The following RAPGEF5 variants were observed in gnomAD, a reference collection of about 807,000 sequenced individuals.
RAPGEF5 encodes Rap guanine nucleotide exchange factor 5.
RAPGEF5 carries 65 observed loss-of-function variants against 125.2 expected under a neutral mutation model. The observed-to-expected ratio is 0.52, with a 90% CI of 0.43 to 0.64. RAPGEF5 has a LOEUF of 0.64. Ranked by LOEUF, RAPGEF5 falls within the 30% of genes least tolerant of loss-of-function variation. RAPGEF5 has a pLI of 0.00. For missense variants in RAPGEF5, 958 were observed against 1,048.1 expected (o/e 0.91, Z 1.19); for synonymous variants, 391 against 385.9 (o/e 1.01, Z -0.16).
intron 3 of RAPGEF5, 66 bp from the exon 4 acceptor site, chr7:22,310,156 T>TAA: frequency 7.1e-7 from 1 of 1,399,784 alleles, no homozygotes. Flanking sequence ...AAAACAAAAA[T>TAA]GATATATAAT....
intron 9 of RAPGEF5, among the ~76,000 whole-genome samples, chr7:22,211,616 CAGAG>C (rs1439288080): frequency 1.3e-5 from 2 of 152,190 alleles, no homozygotes; most frequent in East Asian, 3.8e-4. Flanking sequence ...GTGAAATCGA[CAGAG>C]AGGACTGTGA....
chr7:22,286,269 G>A (rs1782794575), intron 6 of RAPGEF5, among the ~76,000 whole-genome samples: 1 of 152,170 alleles, frequency 6.6e-6, no homozygotes, highest in Non-Finnish European at 1.5e-5. Flanking sequence ...GCAGCATAGA[G>A]GACACATGAC....
intron 7 of RAPGEF5, among the ~76,000 whole-genome samples, chr7:22,236,417 A>G (rs995125772): frequency 6.6e-6 from 1 of 152,212 alleles, no homozygotes; most frequent in Non-Finnish European, 1.5e-5. Context: ...GTGTAGTGGC[A>G]CAATCTGCAC....
At chr7:22,172,805 A>C (rs759258795) in intron 11 of RAPGEF5, among the ~76,000 whole-genome samples, 17 of 152,262 alleles carry the variant, frequency 1.1e-4, no homozygotes, top group Non-Finnish European at 2.4e-4. Flanking sequence ...GTTACGTAGG[A>C]AAAATTATAT....
chr7:22,154,669 A>ATG, intron 16 of RAPGEF5, 65 bp from the exon 17 acceptor site: 1 of 1,544,036 alleles, frequency 6.5e-7, no homozygotes, highest in Middle Eastern at 2.2e-4. Context: ...GACTTTTCCA[A>ATG]ATCAAGGCAC....
chr7:22,191,915 T>C (rs1459943477), intron 11 of RAPGEF5, among the ~76,000 whole-genome samples: 2 of 152,252 alleles, frequency 1.3e-5, no homozygotes, highest in African/African-American at 4.8e-5. Flanking sequence ...AGTCTTGCAC[T>C]ATAGAACTGT....
At chr7:22,224,013 G>A (rs886844724) in intron 8 of RAPGEF5, among the ~76,000 whole-genome samples, 4 of 152,110 alleles carry the variant, frequency 2.6e-5, no homozygotes, top group African/African-American at 9.7e-5. Flanking sequence ...ATGAATGAAC[G>A]CAGCTACATT....
intron 9 of RAPGEF5, among the ~76,000 whole-genome samples, chr7:22,210,042 C>T (rs988881237): frequency 6.6e-6 from 1 of 152,274 alleles, no homozygotes; most frequent in Non-Finnish European, 1.5e-5. Context: ...TGCTTATAAT[C>T]CTATTTAGCA....
At chr7:22,307,233 A>G (rs186659514) in intron 5 of RAPGEF5, among the ~76,000 whole-genome samples, 1 of 152,054 alleles carries the variant, frequency 6.6e-6, no homozygotes, top group African/African-American at 2.4e-5. Context: ...TTCTTTCATC[A>G]GTGTTTACAG....
At chr7:22,315,321 T>A (rs1190086643) in intron 3 of RAPGEF5, 49 bp downstream of exon 3, 1 of 1,520,888 alleles carries the variant, frequency 6.6e-7, no homozygotes, top group Non-Finnish European at 8.8e-7. Context: ...CAGGGTGGTT[T>A]TTTTTCCTCA....
intron 7 of RAPGEF5, among the ~76,000 whole-genome samples, chr7:22,245,928 A>AGG (rs1786464488): frequency 7.9e-5 from 12 of 152,158 alleles, no homozygotes; most frequent in Admixed American, 7.9e-4. Context: ...ATTTCTATAC[A>AGG]CCAATAATGT....
chr7:22,299,784 C>T lies in RAPGEF5; in HGVS notation c.681-8543G>A, dbSNP rs183768086. ...GACAGTTCTTTCTCCCCCCTCCACC[C>T]TCCCCCACCTTAAAGACTTTCTTCC... On this transcript the variant is annotated intron_variant, in intron 5 of 25. Transcript: ENST00000665637. 5.8e-3 allele frequency among the ~76,000 whole-genome samples: 883 copies of T among 152,202 alleles called. 16 individuals are homozygous for T. The highest frequency in any genetic ancestry group is 0.02 in the African/African-American group (847 of 41,520).
intron 21 of RAPGEF5, among the ~76,000 whole-genome samples, chr7:22,137,398 CTAAA>C (rs760586465): frequency 3.9e-4 from 59 of 152,148 alleles, no homozygotes; most frequent in Non-Finnish European, 7.5e-4. Context: ...CAGCATTGGG[CTAAA>C]TAGTGAAGGG....
chr7:22,141,026 G>A (rs1459941053), intron 20 of RAPGEF5, among the ~76,000 whole-genome samples: 1 of 152,170 alleles, frequency 6.6e-6, no homozygotes, highest in African/African-American at 2.4e-5. Context: ...GCTTCCCTCA[G>A]ATGCCATCCC....
intron 7 of RAPGEF5, among the ~76,000 whole-genome samples, chr7:22,242,850 T>C (rs1335044972): frequency 6.7e-6 from 1 of 149,646 alleles, no homozygotes; most frequent in Non-Finnish European, 1.5e-5. Context: ...GAGAATCACT[T>C]GCAGGAGAAT....
chr7:22,308,621 T>A, intron 4 of RAPGEF5, 114 bp from the exon 5 acceptor site: 2 of 840,796 alleles, frequency 2.4e-6, no homozygotes. Flanking sequence ...GGGTTAAGAC[T>A]ATAATTATAC....
At chr7:22,284,391 T>C (rs1445536614) in intron 6 of RAPGEF5, among the ~76,000 whole-genome samples, 1 of 152,180 alleles carries the variant, frequency 6.6e-6, no homozygotes, top group African/African-American at 2.4e-5. Context: ...TATCAAGTCC[T>C]ATGGCTCCGT....
chr7:22,257,829 T>C (rs1175065027), intron 7 of RAPGEF5, among the ~76,000 whole-genome samples: 1 of 152,226 alleles, frequency 6.6e-6, no homozygotes, highest in Non-Finnish European at 1.5e-5. Flanking sequence ...CCTAATACAA[T>C]CTTCTTCATT....
intron 18 of RAPGEF5, among the ~76,000 whole-genome samples, chr7:22,148,275 G>A (rs1179281750): frequency 6.6e-6 from 1 of 152,168 alleles, no homozygotes; most frequent in African/African-American, 2.4e-5. Context: ...GGAGGTGTCA[G>A]GATACTTCTA....
Sources: gnomAD v4.1 joint callset for allele counts (sites outside exome capture counted in the v4.1 genomes callset) on GRCh38, gnomAD v4.1.1 for gene constraint, MANE v1.5 for transcripts, NCBI Gene and HGNC (gene_info 2026-07-23, HGNC 2026-07-21) for gene names.